The following DMD variants were observed in gnomAD, a reference collection of about 807,000 sequenced individuals.
The protein encoded by DMD is mutant dystrophin.
DMD carries 63 observed loss-of-function variants against 330.1 expected under a neutral mutation model. The ratio of observed to expected loss-of-function variants is 0.19; its 90% CI spans 0.16 to 0.24. The LOEUF (loss-of-function observed/expected upper bound fraction) is 0.24, where lower values mean the gene tolerates loss of function less well. Among genes scored for constraint, DMD ranks in the 10% least tolerant of loss-of-function variants. DMD has a pLI of 1.00. For synonymous variants in DMD, 1,223 were observed against 959.8 expected (o/e 1.27, Z -5.07); for missense variants, 3,344 against 2,684.1 (o/e 1.25, Z -5.43).
chrX:32,808,352 AT>A (rs2077105402), intron 7 of DMD, among the ~76,000 whole-genome samples: 1 of 112,256 alleles, frequency 8.9e-6, no homozygotes, highest in Non-Finnish European at 1.9e-5. Context: ...CAAGAGCAAT[AT>A]ATTTGTCAAT....
intron 16 of DMD, among the ~76,000 whole-genome samples, chrX:32,552,900 AG>A (rs2049742037): frequency 8.9e-6 from 1 of 111,842 alleles, no homozygotes; most frequent in Non-Finnish European, 1.9e-5. Flanking sequence ...GCTATTATTA[AG>A]AAGTCAAAAA....
At chrX:33,030,719 G>A (rs2094094463) in intron 1 of DMD, among the ~76,000 whole-genome samples, 1 of 111,664 alleles carries the variant, frequency 9.0e-6, no homozygotes, top group East Asian at 2.8e-4. Context: ...CTAACTAGAT[G>A]CCTGTTTCCA....
chrX:32,873,885 C>T (rs975027486), intron 2 of DMD, among the ~76,000 whole-genome samples: 1 of 112,234 alleles, frequency 8.9e-6, no homozygotes, highest in Non-Finnish European at 1.9e-5. Context: ...GAACAGGAAC[C>T]TAACAAGTCC....
intron 62 of DMD, among the ~76,000 whole-genome samples, chrX:31,312,730 G>A (rs1419201944): frequency 8.9e-6 from 1 of 112,110 alleles, no homozygotes; most frequent in Non-Finnish European, 1.9e-5. Flanking sequence ...ATGATAGACT[G>A]GATAAAGAAA....
intron 34 of DMD, among the ~76,000 whole-genome samples, chrX:32,369,243 A>G (rs1603631838): frequency 8.9e-6 from 1 of 111,909 alleles, no homozygotes; most frequent in East Asian, 2.8e-4. Context: ...CTTCTTAGCC[A>G]TAATTTGTAA....
chrX:32,315,732 C>A (rs368598212), intron 41 of DMD, among the ~76,000 whole-genome samples: 1 of 111,037 alleles, frequency 9.0e-6, no homozygotes, highest in African/African-American at 3.3e-5. Context: ...CCCCATGTGT[C>A]TACCATAGAT....
chrX:31,909,531 A>AC (rs1181740756), intron 47 of DMD, among the ~76,000 whole-genome samples: 1 of 110,005 alleles, frequency 9.1e-6, no homozygotes, highest in Admixed American at 9.7e-5. Flanking sequence ...AAAAAAAAAA[A>AC]AAAAACAAGA....
chrX:31,802,666 G>A (rs1356015520), intron 50 of DMD, among the ~76,000 whole-genome samples: 1 of 111,651 alleles, frequency 9.0e-6, no homozygotes, highest in Non-Finnish European at 1.9e-5. Flanking sequence ...CTGAAGAAAG[G>A]AATATATCAG....
chrX:32,337,988 A>T (rs1270468407), intron 41 of DMD, among the ~76,000 whole-genome samples: 5 of 111,605 alleles, frequency 4.5e-5, no homozygotes, highest in Admixed American at 1.9e-4. Flanking sequence ...TTTAGCAAAA[A>T]TCTATAGACA....
At position 31,180,387 on chromosome X, in the gene DMD, C is replaced by T; in HGVS notation, c.10069G>A (p.Val3357Met). 8.3e-7 allele frequency: 1 copy of T among 1,202,277 alleles called. No individual in the cohort carries two copies. Among genetic ancestry groups the T allele is most frequent in the Non-Finnish European group, 1.1e-6 (1 of 886,971 alleles). Residue 3357 changes from valine to methionine, a missense_variant, in exon 69 of 79, where the codon GTG (valine) becomes ATG (methionine). Val to Met is a conservative substitution (Grantham distance 21). Transcript: ENST00000357033. ...AKGHKMHYPM[V>M]EYCTPTTSGE... ...AAACTTACCGGAGTGCAATATTCCA[C>T]CATGGGATAGTGCATTTTATGGCCT... is the stretch of plus-strand genomic sequence containing the variant.
intron 7 of DMD, among the ~76,000 whole-genome samples, chrX:32,803,521 G>A (rs1294161547): frequency 9.2e-6 from 1 of 109,080 alleles, no homozygotes; most frequent in Non-Finnish European, 1.9e-5. Flanking sequence ...GTTTGCTCTT[G>A]CTGCTCTAGT....
chrX:31,261,214 A>C, intron 62 of DMD, 198 bp from the exon 63 acceptor site: 1 of 420,130 alleles, frequency 2.4e-6, no homozygotes, highest in South Asian at 3.5e-5. Context: ...TTTGTTTCCA[A>C]AGAGAAAAGC....
intron 27 of DMD, among the ~76,000 whole-genome samples, chrX:32,442,694 C>A (rs1370853143): frequency 2.7e-5 from 3 of 110,265 alleles, no homozygotes; most frequent in Admixed American, 9.7e-5. Flanking sequence ...AAGACTGTTA[C>A]AACAATGATC....
intron 63 of DMD, among the ~76,000 whole-genome samples, chrX:31,238,310 T>C (rs890342962): frequency 9.0e-6 from 1 of 111,725 alleles, no homozygotes; most frequent in African/African-American, 3.3e-5. Context: ...TCAGCTTTCT[T>C]TTCAACACAC....
At chrX:33,044,622 A>C (rs1370551172) in intron 1 of DMD, among the ~76,000 whole-genome samples, 7 of 112,126 alleles carry the variant, frequency 6.2e-5, no homozygotes, top group Admixed American at 1.9e-4. Flanking sequence ...GGACAAAAAT[A>C]AGAGCAATTC....
intron 43 of DMD, among the ~76,000 whole-genome samples, chrX:32,223,234 C>T (rs776795066): frequency 9.0e-6 from 1 of 111,610 alleles, no homozygotes; most frequent in Admixed American, 9.6e-5. Flanking sequence ...TGGTGAGGGC[C>T]TTCCTGCTGT....
At chrX:32,566,951 G>T (rs992309769) in intron 15 of DMD, among the ~76,000 whole-genome samples, 1 of 111,968 alleles carries the variant, frequency 8.9e-6, no homozygotes, top group Non-Finnish European at 1.9e-5. Context: ...CTGTCTTTCC[G>T]AAACAAATGT....
intron 67 of DMD, among the ~76,000 whole-genome samples, chrX:31,191,611 C>T (rs1356388769): frequency 9.0e-6 from 1 of 111,533 alleles, no homozygotes; most frequent in Non-Finnish European, 1.9e-5. Context: ...TTTTTGCCTG[C>T]TGCCATCCAG....
chrX:31,230,431 G>A (rs1189830585), intron 63 of DMD, among the ~76,000 whole-genome samples: 4 of 110,846 alleles, frequency 3.6e-5, no homozygotes, highest in Non-Finnish European at 5.7e-5. Context: ...GGCGGATCAC[G>A]AGGTCAGGAG....
Sources: allele counts gnomAD v4.1 joint callset (sites outside exome capture counted in the v4.1 genomes callset), GRCh38; gene constraint gnomAD v4.1.1; transcripts MANE v1.5; gene names NCBI Gene and HGNC (gene_info 2026-07-23, HGNC 2026-07-21).